Variants in CRYL1 observed in about 807,000 individuals in gnomAD.
CRYL1 encodes crystallin lambda 1.
CRYL1 carries 29 observed loss-of-function variants against 36.6 expected under a neutral mutation model. That is an observed-to-expected ratio of 0.79 (90% CI 0.59 to 1.08). The LOEUF is 1.08. Ranked by LOEUF, CRYL1 falls within the 50% of genes least tolerant of loss-of-function variation. The probability of loss-of-function intolerance (pLI) is 0.00; values close to 1 mark genes in which losing one functional copy is unlikely to be tolerated. For missense variants in CRYL1, 411 were observed against 407.9 expected, an observed-to-expected ratio of 1.01 and a Z score of -0.06; for synonymous variants, 152 against 151.5, an observed-to-expected ratio of 1.00 and a Z score of -0.02.
chr13:20,463,748 G>C (rs2032877946), intron 3 of CRYL1, among the ~76,000 whole-genome samples: 1 of 152,142 alleles, frequency 6.6e-6, no homozygotes, highest in Non-Finnish European at 1.5e-5. Context: ...GATACCAAGT[G>C]CTGAAGAAGA....
rs543663906 is a variant in CRYL1 at position 20,435,444 on chromosome 13, G to A, written c.439-3148C>T. 3.9e-4 allele frequency among the ~76,000 whole-genome samples: 60 copies of A among 152,150 alleles called. No homozygotes were observed. Among genetic ancestry groups the A allele is most frequent in the African/African-American group, 1.4e-3 (58 of 41,530 alleles). Reference sequence around the variant, plus strand: ...TCCGTGTCCACCTACGGAAGCCGCCGCAAAAGGACCTTCGAGGTCTCCCGG... The same window carrying A: ...TCCGTGTCCACCTACGGAAGCCGCCACAAAAGGACCTTCGAGGTCTCCCGG... On this transcript the variant is annotated intron_variant, in intron 4 of 7. Coordinates refer to ENST00000298248, the MANE Select transcript of CRYL1 (RefSeq NM_015974.3). The surrounding 1 kb of genome is among the most constrained non-coding windows in gnomAD (Gnocchi z 4.0).
intron 2 of CRYL1, among the ~76,000 whole-genome samples, chr13:20,501,993 A>G (rs1340246319): frequency 6.6e-6 from 1 of 152,186 alleles, no homozygotes; most frequent in African/African-American, 2.4e-5. Context: ...GACACTAACA[A>G]TCATGGCAGG....
At chr13:20,474,041 G>A (rs1022209043) in intron 3 of CRYL1, among the ~76,000 whole-genome samples, 4 of 152,112 alleles carry the variant, frequency 2.6e-5, no homozygotes, top group Non-Finnish European at 5.9e-5. Flanking sequence ...CTACCTCTGG[G>A]CTGGGAAGGG....
chr13:20,445,875 C>T (rs1234256500), intron 3 of CRYL1, among the ~76,000 whole-genome samples: 1 of 152,142 alleles, frequency 6.6e-6, no homozygotes, highest in Non-Finnish European at 1.5e-5. Context: ...TTGGGTTTAA[C>T]AATGGACAGA....
intron 5 of CRYL1, among the ~76,000 whole-genome samples, chr13:20,416,717 T>TA (rs1184448987): frequency 6.6e-6 from 1 of 152,200 alleles, no homozygotes; most frequent in Non-Finnish European, 1.5e-5. Context: ...AGCTGATTTT[T>TA]AAAAAATCAT....
At chr13:20,497,590 A>G (rs1228411666) in intron 2 of CRYL1, among the ~76,000 whole-genome samples, 1 of 150,212 alleles carries the variant, frequency 6.7e-6, no homozygotes, top group Non-Finnish European at 1.5e-5. Flanking sequence ...ATATATATGC[A>G]CCACACACAC....
intron 6 of CRYL1, among the ~76,000 whole-genome samples, chr13:20,412,394 T>C (rs1410233886): frequency 1.3e-5 from 2 of 152,154 alleles, no homozygotes; most frequent in African/African-American, 4.8e-5. Context: ...TTCTATATGT[T>C]TTCTAAGTTA....
intron 5 of CRYL1, chr13:20,426,935 G>A: frequency 1.0e-6 from 1 of 985,528 alleles, no homozygotes. Context: ...TCATTCCGAA[G>A]GACAGGCAGA....
chr13:20,511,971 A>C (rs970848131), intron 2 of CRYL1, among the ~76,000 whole-genome samples: 1 of 152,254 alleles, frequency 6.6e-6, no homozygotes, highest in African/African-American at 2.4e-5. Context: ...CTGTCCTCTC[A>C]CATGAGTGCT....
intron 6 of CRYL1, among the ~76,000 whole-genome samples, chr13:20,407,617 G>A (rs1373443512): frequency 1.3e-5 from 2 of 152,076 alleles, no homozygotes; most frequent in Admixed American, 6.5e-5. Context: ...AGCCTCCCCT[G>A]TATTTTTTCT....
chr13:20,482,753 G>A (rs1052250305), intron 3 of CRYL1, among the ~76,000 whole-genome samples: 2 of 152,186 alleles, frequency 1.3e-5, no homozygotes, highest in Non-Finnish European at 2.9e-5. Flanking sequence ...GTGTGTGTGT[G>A]TGTGCGCGCG....
intron 3 of CRYL1, among the ~76,000 whole-genome samples, chr13:20,471,088 T>A (rs1441230431): frequency 6.6e-6 from 1 of 150,810 alleles, no homozygotes; most frequent in African/African-American, 2.4e-5. Context: ...GTCAGAAGAG[T>A]GAAATAATAT....
intron 3 of CRYL1, among the ~76,000 whole-genome samples, chr13:20,444,156 T>C (rs1025610151): frequency 6.6e-6 from 1 of 152,242 alleles, no homozygotes; most frequent in Non-Finnish European, 1.5e-5. Flanking sequence ...TGCTCTAGAA[T>C]AAATAATGTG....
intron 6 of CRYL1, among the ~76,000 whole-genome samples, chr13:20,409,662 C>T (rs1230219247): frequency 6.6e-6 from 1 of 151,994 alleles, no homozygotes; most frequent in Non-Finnish European, 1.5e-5. Flanking sequence ...CCAGAATCTA[C>T]AATGAACTCA....
chr13:20,510,040 A>G (rs950338590), intron 2 of CRYL1, among the ~76,000 whole-genome samples: 3 of 152,216 alleles, frequency 2.0e-5, no homozygotes, highest in Non-Finnish European at 2.9e-5. Context: ...GAGCAATGGG[A>G]TCTCTCCTTC....
intron 3 of CRYL1, among the ~76,000 whole-genome samples, chr13:20,453,396 T>TTCTAATATA (rs371898551): frequency 7.3e-6 from 1 of 137,612 alleles, no homozygotes; most frequent in Non-Finnish European, 1.6e-5. Context: ...TTTTGAAATA[T>TTCTAATATA]TTTGAATATT....
intron 3 of CRYL1, among the ~76,000 whole-genome samples, chr13:20,462,010 A>G (rs1469771469): frequency 9.3e-6 from 1 of 107,896 alleles, no homozygotes; most frequent in East Asian, 3.2e-4. Flanking sequence ...GCCTGGTGGG[A>G]GGAGGGGTCA....
intron 2 of CRYL1, among the ~76,000 whole-genome samples, chr13:20,511,834 G>A (rs796458193): frequency 9.2e-5 from 14 of 152,214 alleles, no homozygotes; most frequent in Admixed American, 2.6e-4. Flanking sequence ...TTTGGTTCCC[G>A]TGACTACCAT....
At chr13:20,506,561 C>T (rs1257563829) in intron 2 of CRYL1, among the ~76,000 whole-genome samples, 1 of 151,968 alleles carries the variant, frequency 6.6e-6, no homozygotes, top group African/African-American at 2.4e-5. Context: ...TTATCCACAA[C>T]CCTCCATCAT....
Sources: gnomAD v4.1 joint callset for allele counts (sites outside exome capture counted in the v4.1 genomes callset) on GRCh38, gnomAD v4.1.1 for gene constraint, Gnocchi (gnomAD v3.1) non-coding constraint, MANE v1.5 for transcripts, NCBI Gene and HGNC (gene_info 2026-07-23, HGNC 2026-07-21) for gene names.